The following KCTD1 variants were observed in gnomAD, a reference collection of about 807,000 sequenced individuals.
KCTD1 encodes the protein potassium channel tetramerization domain containing 1.
A neutral mutation model predicts 66.0 loss-of-function variants in KCTD1; 24 were observed. That is an observed-to-expected ratio of 0.36 (90% CI 0.26 to 0.51). The LOEUF (loss-of-function observed/expected upper bound fraction) is 0.51, where lower values mean the gene tolerates loss of function less well. KCTD1 is among the 20% of genes least tolerant of loss of function. KCTD1 has a pLI of 0.95. For synonymous variants in KCTD1, 511 were observed against 517.2 expected, an observed-to-expected ratio of 0.99 and a Z score of 0.16; for missense variants, 943 against 1,205.2, an observed-to-expected ratio of 0.78 and a Z score of 3.22.
chr18:26,502,522 T>C (rs1410895535), intron 1 of KCTD1, among the ~76,000 whole-genome samples: 2 of 152,158 alleles, frequency 1.3e-5, no homozygotes, highest in East Asian at 3.9e-4. Context: ...AAATAAATTA[T>C]TACATCCTTT....
At chr18:26,593,883 A>AGG (rs1986704804) in intron 1 of KCTD1, among the ~76,000 whole-genome samples, 1 of 94,260 alleles carries the variant, frequency 1.1e-5, no homozygotes, top group Admixed American at 1.0e-4. Flanking sequence ...AGAGGAAGAT[A>AGG]AGGAGGAGGA....
chr18:26,543,163 C>T (rs1220475358), intron 1 of KCTD1: 1 of 152,188 alleles, frequency 6.6e-6, no homozygotes, highest in African/African-American at 2.4e-5. Flanking sequence ...CATTTAGTTT[C>T]TCCACCAACT....
intron 1 of KCTD1, among the ~76,000 whole-genome samples, chr18:26,637,579 C>A (rs189350839): frequency 6.6e-6 from 1 of 152,338 alleles, no homozygotes; most frequent in African/African-American, 2.4e-5. Flanking sequence ...ACTAAGAAGC[C>A]TGGCGTCCTT....
Position 26,476,621 on chromosome 18 carries a change from A to G in KCTD1, c.2027T>C (p.Leu676Ser). 6.2e-7 allele frequency: 1 copy of G among 1,613,790 alleles called. No homozygotes were observed. Among genetic ancestry groups the G allele is most frequent in the East Asian group, 2.2e-5 (1 of 44,870 alleles). ...GAAATAGTGCTGTTTGAGACTGTCC[A>G]AAACAATGGGCTCTGTACCATCAAA... Reference protein sequence around the residue: ...RLFDGTEPIVLDSLKQHYFID... With the variant: ...RLFDGTEPIVSDSLKQHYFID... Residue 676 changes from leucine to serine, a missense_variant, in exon 3 of 5, where the codon TTG becomes TCG. Physicochemically the swap from Leu to Ser is moderately radical, Grantham distance 145. Around this residue, in one of 10 missense-constraint regions of KCTD1, gnomAD observed 41 missense variants for 103.8 expected, o/e 0.39. Coordinates refer to ENST00000580059, the MANE Select transcript of KCTD1 (RefSeq NM_001142730.3). This position sits in a 1 kb window ranked among gnomAD's most constrained non-coding sequence, Gnocchi z 4.9.
intron 1 of KCTD1, among the ~76,000 whole-genome samples, chr18:26,605,396 C>A (rs1428330832): frequency 6.6e-6 from 1 of 152,200 alleles, no homozygotes; most frequent in East Asian, 1.9e-4. Flanking sequence ...GTCCTTATAG[C>A]TTCTCACCTG....
At position 26,527,089 on chromosome 18, in the gene KCTD1, C is replaced by T. The variant is rs555462769; in HGVS notation, c.1809+19639G>A. ...TCATCAGCAACTTAAAAAGCCAAAG[C>T]TTCTCCTCCTTGGCTCTTTAGGGAC... is the stretch of plus-strand genomic sequence containing the variant. On this transcript the variant is annotated intron_variant, in intron 1 of 4. Coordinates refer to ENST00000580059, the MANE Select transcript of KCTD1 (RefSeq NM_001142730.3). 1.9e-4 allele frequency among the ~76,000 whole-genome samples: 29 copies of T among 152,266 alleles called. 1 individual carries two copies. Among genetic ancestry groups the T allele is most frequent in the African/African-American group, 7.0e-4 (29 of 41,564 alleles).
chr18:26,593,372 G>A (rs36153215), intron 1 of KCTD1, among the ~76,000 whole-genome samples: 19 of 32,360 alleles, frequency 5.9e-4, no homozygotes, highest in Middle Eastern at 0.015. Flanking sequence ...AGGAGGAGGA[G>A]GAAGAGGAGG....
intron 1 of KCTD1, among the ~76,000 whole-genome samples, chr18:26,586,678 A>G (rs904239585): frequency 1.3e-5 from 2 of 152,258 alleles, no homozygotes; most frequent in Admixed American, 6.5e-5. Context: ...TACTCCAGTG[A>G]ACACACAAAT....
intron 1 of KCTD1, among the ~76,000 whole-genome samples, chr18:26,523,294 T>C (rs886145102): frequency 3.3e-5 from 5 of 152,206 alleles, no homozygotes; most frequent in African/African-American, 1.2e-4. Flanking sequence ...AGATACCTAT[T>C]GAAGGGTCGG....
chr18:26,477,237 C>T (rs540625638), intron 2 of KCTD1, among the ~76,000 whole-genome samples: 28 of 152,198 alleles, frequency 1.8e-4, no homozygotes, highest in Admixed American at 3.9e-4. Context: ...TAGGTCTCAG[C>T]GCAAAAAGCA....
At chr18:26,627,597 T>C (rs1987531400) in intron 1 of KCTD1, among the ~76,000 whole-genome samples, 1 of 152,196 alleles carries the variant, frequency 6.6e-6, no homozygotes, top group African/African-American at 2.4e-5. Context: ...AAGGAAATGC[T>C]CTGTTGTAAT....
chr18:26,508,581 G>GA (rs1305038661), intron 1 of KCTD1, among the ~76,000 whole-genome samples: 1 of 152,150 alleles, frequency 6.6e-6, no homozygotes, highest in Non-Finnish European at 1.5e-5. Flanking sequence ...GATACCTCCA[G>GA]AAAAGCATGT....
intron 3 of KCTD1, among the ~76,000 whole-genome samples, chr18:26,463,373 C>T (rs1177180465): frequency 6.6e-6 from 1 of 151,538 alleles, no homozygotes; most frequent in Non-Finnish European, 1.5e-5. Flanking sequence ...GCTATGTTTG[C>T]ATCACTGCAC....
chr18:26,455,325 A>AAAG lies in KCTD1; in HGVS notation c.*415_*417dup, dbSNP rs1202561712. ...TTTTGTTTTTTTAAAAAAAAAGGAA[A>AAAG]AAGAAAGACAAAGGAAAAAAGAAAT... On this transcript the variant is annotated 3_prime_UTR_variant, in exon 5 of 5. Transcript: ENST00000580059. The AAAG allele has an allele frequency of 6.5e-6, 1 of 152,824 alleles. No individual in the cohort carries two copies. Among genetic ancestry groups the AAAG allele is most frequent in the East Asian group, 1.9e-4 (1 of 5,214 alleles). The allele number at this position is 152,824 out of a possible 1,614,324, so 9.5% of individuals were successfully genotyped here.
upstream of KCTD1, among the ~76,000 whole-genome samples, chr18:26,551,294 G>A (rs538726477): frequency 2.6e-5 from 4 of 152,348 alleles, no homozygotes; most frequent in East Asian, 7.7e-4. Flanking sequence ...GCAAAAGTCA[G>A]GGGAAGGAGG....
chr18:26,537,968 C>T (rs189996544), intron 1 of KCTD1, among the ~76,000 whole-genome samples: 108 of 152,260 alleles, frequency 7.1e-4, no homozygotes, highest in Non-Finnish European at 1.3e-3. Flanking sequence ...AATTTCTGGC[C>T]GGGCATGGTG....
intron 1 of KCTD1, among the ~76,000 whole-genome samples, chr18:26,619,069 C>T (rs1445551227): frequency 6.6e-6 from 1 of 152,206 alleles, no homozygotes; most frequent in Admixed American, 6.5e-5. Flanking sequence ...ATGATTGGTA[C>T]TATCCTAAGT....
intron 2 of KCTD1, among the ~76,000 whole-genome samples, chr18:26,488,594 C>T (rs1383896897): frequency 6.6e-6 from 1 of 152,134 alleles, no homozygotes; most frequent in Non-Finnish European, 1.5e-5. Context: ...CAAGTTTGGG[C>T]GAGCTCAAAT....
At chr18:26,525,520 T>A (rs1984115008) in intron 1 of KCTD1, among the ~76,000 whole-genome samples, 1 of 152,140 alleles carries the variant, frequency 6.6e-6, no homozygotes, top group African/African-American at 2.4e-5. Context: ...CCCAAAGATT[T>A]TCCAAAACCT....
Sources: gnomAD v4.1 joint callset for allele counts (sites outside exome capture counted in the v4.1 genomes callset) on GRCh38, gnomAD v4.1.1 for gene constraint, gnomAD v4.1.1 regional missense constraint, Gnocchi (gnomAD v3.1) non-coding constraint, MANE v1.5 for transcripts, NCBI Gene and HGNC (gene_info 2026-07-23, HGNC 2026-07-21) for gene names.